The following EYS variants were observed in gnomAD, a reference collection of about 807,000 sequenced individuals.
EYS encodes protein eyes shut homolog.
EYS carries 250 observed loss-of-function variants against 282.1 expected under a neutral mutation model. That is an observed-to-expected ratio of 0.89 (90% confidence interval 0.80 to 0.98). The LOEUF (loss-of-function observed/expected upper bound fraction) is 0.98. Among genes scored for constraint, EYS ranks in the 50% least tolerant of loss-of-function variants. The pLI, the probability that EYS is intolerant of heterozygous loss-of-function variation, is 0.00. For synonymous variants in EYS, 1,355 were observed against 1,282.9 expected (o/e 1.06, Z -1.20); for missense variants, 4,016 against 3,709.0 (o/e 1.08, Z -2.15).
intron 41 of EYS, among the ~76,000 whole-genome samples, chr6:63,733,628 A>T (rs998847939): frequency 2.0e-5 from 3 of 152,172 alleles, no homozygotes; most frequent in African/African-American, 7.2e-5. Flanking sequence ...GATGCTAGTA[A>T]GAGACATGAA....
Position 65,443,240 on chromosome 6 carries a change from A to G in EYS, c.863-37873T>C, listed in dbSNP as rs1389991345. Reference sequence around the variant, plus strand: ...CATATACACATGTATGTGAACATATAGACATATGTGTATACATATATGCAA... The same window carrying G: ...CATATACACATGTATGTGAACATATGGACATATGTGTATACATATATGCAA... On this transcript the variant is annotated intron_variant, in intron 5 of 42. Transcript: ENST00000503581. 2.0e-5 allele frequency among the ~76,000 whole-genome samples: 3 copies of G among 151,844 alleles called. 1 individual carries two copies. The highest frequency in any genetic ancestry group is 4.4e-5 in the Non-Finnish European group (3 of 67,836).
At chr6:64,448,585 G>A (rs1165833879) in intron 26 of EYS, among the ~76,000 whole-genome samples, 6 of 152,186 alleles carry the variant, frequency 3.9e-5, no homozygotes, top group Admixed American at 3.9e-4. Flanking sequence ...CCCCCAAGTA[G>A]CCTAACTGGG....
intron 28 of EYS, among the ~76,000 whole-genome samples, chr6:64,394,851 A>T (rs1773302222): frequency 6.6e-6 from 1 of 152,234 alleles, no homozygotes; most frequent in Admixed American, 6.5e-5. Context: ...GGCAACTGAC[A>T]AAATGGGAGA....
At chr6:64,732,873 T>C (rs1276358137) in intron 22 of EYS, among the ~76,000 whole-genome samples, 1 of 152,220 alleles carries the variant, frequency 6.6e-6, no homozygotes, top group Non-Finnish European at 1.5e-5. Context: ...AATTCTGATG[T>C]ATAACGTGAA....
intron 13 of EYS, among the ~76,000 whole-genome samples, chr6:65,021,284 T>C (rs930501337): frequency 2.6e-5 from 4 of 152,222 alleles, no homozygotes; most frequent in Admixed American, 1.3e-4. Flanking sequence ...TTCTGCTAAA[T>C]ATCCTAAATC....
chr6:64,039,391 A>T (rs1191635878), intron 33 of EYS, among the ~76,000 whole-genome samples: 2 of 152,222 alleles, frequency 1.3e-5, no homozygotes, highest in East Asian at 1.9e-4. Context: ...AAAGCAAGGG[A>T]ATACATGTTA....
intron 26 of EYS, among the ~76,000 whole-genome samples, chr6:64,490,682 C>T (rs1026941996): frequency 1.3e-5 from 2 of 150,610 alleles, no homozygotes; most frequent in Non-Finnish European, 3.0e-5. Flanking sequence ...AATGAAGTAA[C>T]TAGACAGACG....
chr6:64,506,729 G>A (rs889401221), intron 26 of EYS, among the ~76,000 whole-genome samples: 3 of 151,896 alleles, frequency 2.0e-5, no homozygotes, highest in African/African-American at 7.3e-5. Context: ...TGGCTAACAC[G>A]GTGAAACCCC....
At chr6:64,576,297 C>T (rs1765877318) in intron 26 of EYS, among the ~76,000 whole-genome samples, 1 of 152,046 alleles carries the variant, frequency 6.6e-6, no homozygotes, top group Admixed American at 6.6e-5. Context: ...TTGGAAGTAA[C>T]TTCCACAATC....
intron 5 of EYS, among the ~76,000 whole-genome samples, chr6:65,485,407 T>C (rs1765750926): frequency 1.3e-5 from 2 of 152,208 alleles, no homozygotes; most frequent in African/African-American, 4.8e-5. Context: ...CCCAAAATTA[T>C]TTTTCTCATT....
At chr6:64,207,748 C>T (rs543313502) in intron 31 of EYS, among the ~76,000 whole-genome samples, 85 of 152,280 alleles carry the variant, frequency 5.6e-4, no homozygotes, top group African/African-American at 1.9e-3. Context: ...ACCTCCGCCT[C>T]CCAAGTTCAA....
intron 12 of EYS, among the ~76,000 whole-genome samples, chr6:65,130,585 G>A (rs59478051): frequency 0.24 from 35,710 of 151,590 alleles, 4,405 homozygotes; most frequent in African/African-American, 0.27. Context: ...TCACTTATAA[G>A]TGGGAGCTAA....
intron 30 of EYS, among the ~76,000 whole-genome samples, chr6:64,245,462 G>A (rs1218288269): frequency 6.7e-6 from 1 of 149,360 alleles, no homozygotes; most frequent in African/African-American, 2.6e-5. Flanking sequence ...TTACAGTTGT[G>A]AGCCACTGCA....
chr6:64,558,186 T>C (rs60144794), intron 26 of EYS, among the ~76,000 whole-genome samples: 4,610 of 152,194 alleles, frequency 0.03, 155 homozygotes, highest in East Asian at 0.11. Context: ...TATACTTCAA[T>C]TTAAGATTGT....
At chr6:64,571,340 C>A (rs1765719202) in intron 26 of EYS, among the ~76,000 whole-genome samples, 1 of 152,004 alleles carries the variant, frequency 6.6e-6, no homozygotes, top group South Asian at 2.1e-4. Context: ...GATCTAAAAT[C>A]AATACCCTAA....
chr6:64,095,294 A>G (rs1157603036), intron 31 of EYS, among the ~76,000 whole-genome samples: 3 of 152,110 alleles, frequency 2.0e-5, no homozygotes, highest in African/African-American at 7.2e-5. Context: ...GTTGAGTTCA[A>G]TTCCTGGATA....
chr6:65,109,684 ATG>A (rs1041778546), intron 12 of EYS, among the ~76,000 whole-genome samples: 22 of 148,820 alleles, frequency 1.5e-4, no homozygotes, highest in African/African-American at 5.4e-4. Flanking sequence ...CCTTTTTTTC[ATG>A]TGTGTCCCTG....
Position 65,568,509 on chromosome 6 carries a change from A to G in EYS, c.-333+71269T>C, listed in dbSNP as rs564902007. ...AGAGCCCAAGGCCCCCTCACTAGCT[A>G]TTTAAACAATTAAATAAACTTTTTA... On this transcript the variant is annotated intron_variant, in intron 2 of 42. Transcript: ENST00000503581. Among the ~76,000 whole-genome samples the G allele has an allele frequency of 2.0e-5, 3 of 152,208 alleles. No individual in the cohort carries two copies. In the East Asian group the frequency reaches 5.8e-4, roughly 29 times the overall value.
intron 2 of EYS, among the ~76,000 whole-genome samples, chr6:65,539,249 GA>G (rs1341209972): frequency 6.6e-6 from 1 of 152,086 alleles, no homozygotes; most frequent in Non-Finnish European, 1.5e-5. Context: ...ACATCTCATA[GA>G]ATAATATTTC....
Sources: allele counts gnomAD v4.1 joint callset (sites outside exome capture counted in the v4.1 genomes callset), GRCh38; gene constraint gnomAD v4.1.1; transcripts MANE v1.5; gene names NCBI Gene and HGNC (gene_info 2026-07-23, HGNC 2026-07-21).